The following SLCO3A1 variants were observed in gnomAD, a reference collection of about 807,000 sequenced individuals.
SLCO3A1 encodes the protein solute carrier organic anion transporter family member 3A1, also known as PGE1 transporter.
A neutral mutation model predicts 63.1 loss-of-function variants in SLCO3A1; 27 were observed. The observed-to-expected ratio is 0.43, with a 90% CI of 0.32 to 0.59. The LOEUF is 0.59. SLCO3A1 is among the 20% of genes least tolerant of loss of function. The pLI is 0.09. For missense variants in SLCO3A1, 773 were observed against 945.8 expected (o/e 0.82, Z 2.40); for synonymous variants, 473 against 409.9 (o/e 1.15, Z -1.86).
At chr15:92,151,883 AG>A (rs1248339768) in intron 9 of SLCO3A1, among the ~76,000 whole-genome samples, 6 of 152,244 alleles carry the variant, frequency 3.9e-5, no homozygotes, top group Non-Finnish European at 7.3e-5. Context: ...ACAAATACCT[AG>A]CTATAGAAAT....
chr15:91,935,347 T>G (rs778117809), intron 2 of SLCO3A1, among the ~76,000 whole-genome samples: 1 of 152,174 alleles, frequency 6.6e-6, no homozygotes, highest in African/African-American at 2.4e-5. Context: ...AAGGGACTTT[T>G]GTAAATGTGG....
chr15:91,977,556 C>T (rs1567047990), intron 2 of SLCO3A1, among the ~76,000 whole-genome samples: 2 of 152,076 alleles, frequency 1.3e-5, no homozygotes, highest in Non-Finnish European at 2.9e-5. Context: ...AGGAGCTAAG[C>T]TATGAGGACA....
chr15:92,138,722 AT>A (rs893535843), intron 7 of SLCO3A1, among the ~76,000 whole-genome samples: 5 of 56,764 alleles, frequency 8.8e-5, no homozygotes, highest in South Asian at 1.2e-3. Context: ...TAGGTATTTT[AT>A]TCTCTTTGAA....
At chr15:92,096,639 G>A (rs1413824371) in intron 3 of SLCO3A1, among the ~76,000 whole-genome samples, 2 of 152,068 alleles carry the variant, frequency 1.3e-5, no homozygotes, top group Non-Finnish European at 2.9e-5. Flanking sequence ...CAGTCCCCAG[G>A]TTCTCAATCC....
At chr15:92,025,814 G>A (rs77178739) in intron 2 of SLCO3A1, among the ~76,000 whole-genome samples, 3,338 of 152,266 alleles carry the variant, frequency 0.022, 121 homozygotes, top group African/African-American at 0.074. Flanking sequence ...TGCTGATGCC[G>A]CGTGATGCAT....
downstream of SLCO3A1, among the ~76,000 whole-genome samples, chr15:92,168,333 G>A (rs138841295): frequency 5.9e-5 from 9 of 152,286 alleles, no homozygotes; most frequent in African/African-American, 1.9e-4. Context: ...CAGAGAGAGC[G>A]CCACCAAAAC....
chr15:92,052,825 T>A (rs1227527185), intron 2 of SLCO3A1, among the ~76,000 whole-genome samples: 4 of 152,134 alleles, frequency 2.6e-5, no homozygotes, highest in Non-Finnish European at 5.9e-5. Flanking sequence ...CATTTTAATT[T>A]TTTTTTTCCT....
At chr15:92,169,450 T>G (rs1421547781), downstream of SLCO3A1, among the ~76,000 whole-genome samples, 1 of 152,196 alleles carries the variant, frequency 6.6e-6, no homozygotes, top group Non-Finnish European at 1.5e-5. Context: ...CCCACGTGCC[T>G]CCTGATGTAA....
chr15:91,962,104 G>A lies in SLCO3A1; in HGVS notation c.646+45646G>A, dbSNP rs72754098. ...GCAGGGCCCAAGAACAAACTCTGGC[G>A]GTCATACAGACAGGCTCAGAAGATG... On this transcript the variant is annotated intron_variant, in intron 2 of 9. Transcript: ENST00000318445. 8.1e-3 allele frequency among the ~76,000 whole-genome samples: 1,227 copies of A among 152,256 alleles called. 10 individuals carry two copies. The highest frequency in any genetic ancestry group is 0.014 in the Non-Finnish European group (934 of 68,026).
chr15:92,084,848 C>T (rs537604840), intron 2 of SLCO3A1, among the ~76,000 whole-genome samples: 2 of 152,186 alleles, frequency 1.3e-5, no homozygotes, highest in Non-Finnish European at 2.9e-5. Flanking sequence ...CAGCATGCAC[C>T]ACCATAGCCA....
At chr15:91,868,272 G>A (rs746200272) in intron 1 of SLCO3A1, among the ~76,000 whole-genome samples, 5 of 150,502 alleles carry the variant, frequency 3.3e-5, no homozygotes, top group African/African-American at 4.9e-5. Context: ...GGCTAGTCTC[G>A]AACTCCTGAC....
intron 1 of SLCO3A1, among the ~76,000 whole-genome samples, chr15:91,880,413 G>GTGTGTGTGTT (rs1555446488): frequency 1.3e-5 from 2 of 151,096 alleles, no homozygotes; most frequent in Admixed American, 6.6e-5. Context: ...CTCTCTCTGT[G>GTGTGTGTGTT]TGTGTGTGTG....
intron 2 of SLCO3A1, among the ~76,000 whole-genome samples, chr15:92,078,311 G>T (rs2047303134): frequency 6.6e-6 from 1 of 152,184 alleles, no homozygotes; most frequent in Non-Finnish European, 1.5e-5. Flanking sequence ...TGAGGCCTGG[G>T]CTCATCCCCA....
Position 92,162,819 on chromosome 15 carries a change from C to T in SLCO3A1, c.1817C>T (p.Thr606Met), listed in dbSNP as rs972402250. 6.8e-6 allele frequency: 11 copies of T among 1,614,060 alleles called. No individual in the cohort carries two copies. The highest frequency in any genetic ancestry group is 6.8e-6 in the Non-Finnish European group (8 of 1,180,020). Residue 606 changes from threonine to methionine, a missense_variant, in exon 10 of 10, where the codon ACG becomes ATG. By Grantham distance (81) the Thr-to-Met change is moderately conservative. Coordinates refer to ENST00000318445, the MANE Select transcript of SLCO3A1 (RefSeq NM_013272.4). ...GIDSTCLFWS[T>M]FCGEQGACVL... is the part of the protein sequence containing the mutation. ...GACTCCACCTGCCTGTTCTGGAGCACGTTCTGTGGGGAGCAAGGCGCCTGC... is the reference window on the plus strand; with the variant it reads ...GACTCCACCTGCCTGTTCTGGAGCATGTTCTGTGGGGAGCAAGGCGCCTGC...
At chr15:92,168,964 AC>A (rs2048507674), downstream of SLCO3A1, among the ~76,000 whole-genome samples, 1 of 152,240 alleles carries the variant, frequency 6.6e-6, no homozygotes, top group African/African-American at 2.4e-5. Context: ...GATTCCAGAT[AC>A]CAAAGAGTAT....
chr15:92,142,246 C>T (rs1435908848), intron 7 of SLCO3A1, among the ~76,000 whole-genome samples: 2 of 152,212 alleles, frequency 1.3e-5, no homozygotes, highest in Non-Finnish European at 2.9e-5. Flanking sequence ...GTCTATTCAG[C>T]ATGGGGCTAC....
intron 2 of SLCO3A1, among the ~76,000 whole-genome samples, chr15:91,940,655 G>A (rs962373832): frequency 6.6e-6 from 1 of 152,172 alleles, no homozygotes; most frequent in African/African-American, 2.4e-5. Context: ...ACACTCACAT[G>A]CTCATGTGAG....
intron 9 of SLCO3A1, among the ~76,000 whole-genome samples, chr15:92,154,229 A>C (rs2151596650): frequency 6.6e-6 from 1 of 152,358 alleles, no homozygotes; most frequent in South Asian, 2.1e-4. Context: ...TGGAAGCATA[A>C]GAACTGGAGT....
At chr15:91,989,266 C>T (rs148186071) in intron 2 of SLCO3A1, among the ~76,000 whole-genome samples, 566 of 152,306 alleles carry the variant, frequency 3.7e-3, no homozygotes, top group Non-Finnish European at 5.3e-3. Flanking sequence ...CATCTTCTTT[C>T]TGTACCTTAT....
Sources: allele counts gnomAD v4.1 joint callset (sites outside exome capture counted in the v4.1 genomes callset), GRCh38; gene constraint gnomAD v4.1.1; transcripts MANE v1.5; gene names NCBI Gene and HGNC (gene_info 2026-07-23, HGNC 2026-07-21).